The following ARID1A variants were observed in gnomAD, a reference collection of about 807,000 sequenced individuals.
ARID1A encodes the protein AT-rich interactive domain-containing protein 1A.
A neutral mutation model predicts 212.6 loss-of-function variants in ARID1A; 20 were observed. The ratio of observed to expected loss-of-function variants is 0.09; its 90% confidence interval spans 0.07 to 0.14. The LOEUF is 0.14. Ranked by LOEUF, ARID1A falls within the 10% of genes least tolerant of loss-of-function variation. ARID1A has a pLI of 1.00. For missense variants in ARID1A, 2,587 were observed against 3,059.0 expected, an observed-to-expected ratio of 0.85 and a Z score of 3.64; for synonymous variants, 1,376 against 1,222.1, an observed-to-expected ratio of 1.13 and a Z score of -2.63.
intron 19 of ARID1A, among the ~76,000 whole-genome samples, chr1:26,777,023 C>T (rs1010845580): frequency 2.0e-5 from 3 of 152,164 alleles, no homozygotes; most frequent in Non-Finnish European, 4.4e-5. Flanking sequence ...TCAGAACAAC[C>T]CTGTAAAGTT....
chr1:26,698,143 T>A (rs2080297544), intron 1 of ARID1A, among the ~76,000 whole-genome samples: 1 of 152,198 alleles, frequency 6.6e-6, no homozygotes, highest in South Asian at 2.1e-4. Context: ...GGCTTCTCCC[T>A]GGAAGTGCTG....
At chr1:26,768,067 C>T in intron 11 of ARID1A, 68 bp downstream of exon 11, 1 of 1,492,360 alleles carries the variant, frequency 6.7e-7, no homozygotes, top group Non-Finnish European at 9.2e-7. Context: ...TACTCACTGG[C>T]TTCATGTGGT....
intron 8 of ARID1A, 65 bp from the exon 9 acceptor site, chr1:26,766,156 C>G: frequency 6.4e-7 from 1 of 1,550,782 alleles, no homozygotes; most frequent in Non-Finnish European, 8.7e-7. Flanking sequence ...CTATTTGGCT[C>G]CAGTTCAAAT....
intron 8 of ARID1A, 39 bp from the exon 9 acceptor site, chr1:26,766,182 C>T (rs762720398): frequency 2.5e-6 from 4 of 1,602,388 alleles, no homozygotes; most frequent in Middle Eastern, 1.7e-4. Flanking sequence ...AGCTCAGAGT[C>T]TAACCTTTGT....
Position 26,697,379 on chromosome 1 carries a change from G to A in ARID1A, c.976G>A (p.Gly326Ser), listed in dbSNP as rs759345052. 2.3e-6 allele frequency: 3 copies of A among 1,315,624 alleles called. No individual in the cohort carries two copies. The highest frequency in any genetic ancestry group is 3.1e-5 in the East Asian group (1 of 32,222). 81.5% of individuals were successfully genotyped at this position (1,315,624 alleles called of 1,614,324 possible). Reference protein sequence around the residue: ...YSGGPQDGGAGKGPADMASQC... With the variant: ...YSGGPQDGGASKGPADMASQC... ...TGGCGGGCCCCAGGACGGGGGCGCCGGCAAGGGCCCGGCGGACATGGCCTC... is the reference window on the plus strand; with the variant it reads ...TGGCGGGCCCCAGGACGGGGGCGCCAGCAAGGGCCCGGCGGACATGGCCTC... The change falls in exon 1 of 20, where the codon GGC becomes AGC. Residue 326 changes from glycine (G) to serine (S), a missense_variant. By Grantham distance (56) the Gly-to-Ser change is moderately conservative. Around this residue, in one of 11 missense-constraint regions of ARID1A, gnomAD observed 735 missense variants for 590.6 expected, o/e 1.24. Coordinates refer to ENST00000324856, the MANE Select transcript of ARID1A (RefSeq NM_006015.6).
At chr1:26,735,864 CA>C (rs1218579000) in intron 4 of ARID1A, among the ~76,000 whole-genome samples, 1 of 152,196 alleles carries the variant, frequency 6.6e-6, no homozygotes, top group African/African-American at 2.4e-5. Context: ...CCTTTGCACA[CA>C]CCCTTCCCTT....
At chr1:26,746,634 C>T (rs1364822740) in intron 4 of ARID1A, among the ~76,000 whole-genome samples, 1 of 152,224 alleles carries the variant, frequency 6.6e-6, no homozygotes, top group Admixed American at 6.5e-5. Context: ...TGGCTCACGC[C>T]TGTAATCCCA....
intron 4 of ARID1A, among the ~76,000 whole-genome samples, chr1:26,759,155 A>G (rs58381958): frequency 6.6e-6 from 1 of 152,150 alleles, no homozygotes; most frequent in East Asian, 1.9e-4. Context: ...ACCAACTTGG[A>G]TCTCCTCCTC....
intron 1 of ARID1A, among the ~76,000 whole-genome samples, chr1:26,720,406 G>A (rs2124774461): frequency 6.6e-6 from 1 of 151,924 alleles, no homozygotes; most frequent in African/African-American, 2.4e-5. Flanking sequence ...CCGGGAGGTG[G>A]AGGTTGCAGT....
chr1:26,703,734 A>T (rs1450778177), intron 1 of ARID1A, among the ~76,000 whole-genome samples: 1 of 152,228 alleles, frequency 6.6e-6, no homozygotes, highest in Non-Finnish European at 1.5e-5. Context: ...AGTCAGAGAG[A>T]TCAGGAAATT....
chr1:26,756,164 AACGT>A (rs1214003057), intron 4 of ARID1A, among the ~76,000 whole-genome samples: 2 of 151,786 alleles, frequency 1.3e-5, no homozygotes, highest in Non-Finnish European at 2.9e-5. Flanking sequence ...GTAATCCCAG[AACGT>A]TAGGAGGCTG....
chr1:26,774,781 C>T lies in ARID1A; in HGVS notation c.4554C>T (p.Pro1518=), dbSNP rs747997193. 1 of 1,614,206 alleles carries T rather than the reference C, an allele frequency of 6.2e-7. No homozygotes were observed. Among genetic ancestry groups the T allele is most frequent in the Non-Finnish European group, 8.5e-7 (1 of 1,180,024 alleles). ...ACAGGCAGAGCACGGGCTCTGCCCC[C>T]CAGGGCCCCGCCTATCATGGCGTGA... ...YANRQSTGSA[P]QGPAYHGVNR... The change falls in exon 18 of 20, where the codon CCC becomes CCT. Residue 1518 remains proline, a synonymous_variant. Transcript: ENST00000324856. This position sits in a 1 kb window ranked among gnomAD's most constrained non-coding sequence, Gnocchi z 5.6.
intron 1 of ARID1A, among the ~76,000 whole-genome samples, chr1:26,726,219 A>C (rs58125411): frequency 0.083 from 10,527 of 126,482 alleles, 402 homozygotes; most frequent in Non-Finnish European, 0.087. Flanking sequence ...GCTGCCCAGG[A>C]TGGAGTGCAG....
At chr1:26,748,718 C>T (rs953171479) in intron 4 of ARID1A, among the ~76,000 whole-genome samples, 8 of 151,136 alleles carry the variant, frequency 5.3e-5, no homozygotes, top group Non-Finnish European at 2.9e-5. Context: ...AGACAGAAGC[C>T]TTTGGGGGGC....
At chr1:26,748,697 C>T (rs1474058632) in intron 4 of ARID1A, among the ~76,000 whole-genome samples, 1 of 145,052 alleles carries the variant, frequency 6.9e-6, no homozygotes, top group African/African-American at 2.6e-5. Flanking sequence ...AAAGTGGTTA[C>T]TGACTGGATA....
rs575758533 is a variant in ARID1A at position 26,697,025 on chromosome 1, C to G, written c.622C>G (p.Pro208Ala). ...GCAGAACTCTCACGACCACGGCTTC[C>G]CCAACCACCAGTACAACTCCTACTA... Reference protein sequence around the residue: ...PQQNSHDHGFPNHQYNSYYPN... With the variant: ...PQQNSHDHGFANHQYNSYYPN... Residue 208 changes from proline (P) to alanine (A), a missense_variant, in exon 1 of 20, where the codon CCC becomes GCC. Coordinates refer to ENST00000324856, the MANE Select transcript of ARID1A (RefSeq NM_006015.6). 1 of 1,538,276 alleles carries G rather than the reference C, an allele frequency of 6.5e-7. No individual in the cohort carries two copies. The highest frequency in any genetic ancestry group is 8.7e-7 in the Non-Finnish European group (1 of 1,146,402).
At chr1:26,749,762 T>A (rs1247066714) in intron 4 of ARID1A, among the ~76,000 whole-genome samples, 76 of 152,336 alleles carry the variant, frequency 5.0e-4, no homozygotes, top group Non-Finnish European at 4.4e-5. Flanking sequence ...CTGCTGCAGT[T>A]CTAGCAACAG....
At chr1:26,757,180 A>C (rs2124041027) in intron 4 of ARID1A, among the ~76,000 whole-genome samples, 1 of 150,338 alleles carries the variant, frequency 6.7e-6, no homozygotes, top group African/African-American at 2.4e-5. Context: ...ATGCCACTGC[A>C]CTCCAGCCTA....
intron 19 of ARID1A, 31 bp downstream of exon 19, chr1:26,775,738 G>C (rs778861358): frequency 1.4e-5 from 22 of 1,613,866 alleles, no homozygotes; most frequent in Middle Eastern, 1.6e-4. Context: ...AAGATTGAGA[G>C]GGTTTGGGAT....
Sources: gnomAD v4.1 joint callset for allele counts (sites outside exome capture counted in the v4.1 genomes callset) on GRCh38, gnomAD v4.1.1 for gene constraint, gnomAD v4.1.1 regional missense constraint, Gnocchi (gnomAD v3.1) non-coding constraint, MANE v1.5 for transcripts, NCBI Gene and HGNC (gene_info 2026-07-23, HGNC 2026-07-21) for gene names.